SVIL: variants seen among roughly 807,000 people sequenced by gnomAD.
SVIL encodes the protein supervillin, also known as archvillin.
In SVIL, 101 loss-of-function variants were observed where a neutral mutation model predicts 240.4. The observed-to-expected ratio is 0.42, with a 90% CI of 0.36 to 0.50. The LOEUF is 0.50. SVIL is among the 20% of genes least tolerant of loss of function. SVIL has a pLI of 0.01. For missense variants in SVIL, 2,512 were observed against 2,818.7 expected, an observed-to-expected ratio of 0.89 and a Z score of 2.46; for synonymous variants, 999 against 1,100.0, an observed-to-expected ratio of 0.91 and a Z score of 1.82.
chr10:29,567,234 A>C (rs1388421152), intron 2 of SVIL, among the ~76,000 whole-genome samples: 1 of 151,892 alleles, frequency 6.6e-6, no homozygotes, highest in Non-Finnish European at 1.5e-5. Context: ...AGCACGGGGG[A>C]ATTTTATTAA....
At chr10:29,693,836 T>A (rs910648032) in intron 1 of SVIL, among the ~76,000 whole-genome samples, 2 of 152,212 alleles carry the variant, frequency 1.3e-5, no homozygotes, top group African/African-American at 4.8e-5. Context: ...ATTAATCAAA[T>A]CTTCTTTCTT....
chr10:29,678,832 G>A (rs190978033), intron 2 of SVIL, among the ~76,000 whole-genome samples: 1 of 152,318 alleles, frequency 6.6e-6, no homozygotes, highest in East Asian at 1.9e-4. Flanking sequence ...ATTTTAGGTT[G>A]AGGGTACCCT....
chr10:29,509,210 A>G (rs1482498543), intron 17 of SVIL, among the ~76,000 whole-genome samples: 3 of 151,962 alleles, frequency 2.0e-5, no homozygotes, highest in East Asian at 1.9e-4. Flanking sequence ...AGACTCACAC[A>G]TGTTTAAGTC....
chr10:29,550,563 C>A, intron 6 of SVIL, 34 bp downstream of exon 6: 3 of 1,545,320 alleles, frequency 1.9e-6, no homozygotes, highest in Non-Finnish European at 2.6e-6. Context: ...TATTGTCCTG[C>A]GTTCAGGGTG....
At chr10:29,491,252 C>G (rs981442256) in intron 21 of SVIL, among the ~76,000 whole-genome samples, 8 of 152,270 alleles carry the variant, frequency 5.3e-5, no homozygotes, top group Non-Finnish European at 7.4e-5. Context: ...ACTCATGCCC[C>G]TTGGTCTCCT....
At chr10:29,569,044 A>G (rs1029372321) in intron 2 of SVIL, among the ~76,000 whole-genome samples, 1 of 152,258 alleles carries the variant, frequency 6.6e-6, no homozygotes, top group East Asian at 1.9e-4. Flanking sequence ...TGCAATGACA[A>G]GAGACAGCAA....
chr10:29,507,486 C>T (rs369357900), intron 17 of SVIL, among the ~76,000 whole-genome samples: 13 of 151,986 alleles, frequency 8.6e-5, no homozygotes, highest in East Asian at 7.7e-4. Context: ...CACACACATA[C>T]GTACACACTT....
At chr10:29,645,660 A>T (rs990231757) in intron 3 of SVIL, among the ~76,000 whole-genome samples, 6 of 152,242 alleles carry the variant, frequency 3.9e-5, no homozygotes, top group Non-Finnish European at 7.3e-5. Flanking sequence ...ATTATTAGAC[A>T]GTAGGAGAGC....
intron 3 of SVIL, among the ~76,000 whole-genome samples, chr10:29,643,813 T>C (rs935716877): frequency 1.3e-5 from 2 of 152,066 alleles, no homozygotes; most frequent in Admixed American, 6.6e-5. Context: ...CCAGCCAACT[T>C]TTCTCTCCCG....
intron 1 of SVIL, among the ~76,000 whole-genome samples, chr10:29,719,818 G>T (rs1963866292): frequency 6.6e-6 from 1 of 152,202 alleles, no homozygotes; most frequent in Non-Finnish European, 1.5e-5. Context: ...GCATGAGTGA[G>T]CTGTGGAGAC....
intron 3 of SVIL, among the ~76,000 whole-genome samples, chr10:29,644,755 T>G (rs1014314339): frequency 6.6e-6 from 1 of 152,190 alleles, no homozygotes; most frequent in African/African-American, 2.4e-5. Context: ...GCTCCAACTG[T>G]GGATCCTGGG....
In SVIL at chr10:29,488,652, A is replaced by T. The variant is rs201161635; in HGVS notation, c.4297T>A (p.Ser1433Thr). Residue 1433 changes from serine (S) to threonine (T), a missense_variant, in exon 23 of 38, where the codon TCT becomes ACT. Around this residue, in one of 3 missense-constraint regions of SVIL, gnomAD observed 272 missense variants for 406.8 expected, o/e 0.67. Coordinates refer to ENST00000355867, the MANE Select transcript of SVIL (RefSeq NM_021738.3). ...TTGTAGGGCACGGCGCTGTTGTTAG[A>T]GTTCTGTTCCGTCAGGTTGACGCTC... ...LRSVNLTEQN[S>T]NNSAVPYKRL... 153 of 1,612,638 alleles carry T rather than the reference A, an allele frequency of 9.5e-5. No individual in the cohort carries two copies. Among genetic ancestry groups the T allele is most frequent in the Middle Eastern group, 3.3e-4 (2 of 6,072 alleles).
intron 28 of SVIL, among the ~76,000 whole-genome samples, chr10:29,481,091 C>G (rs1946779001): frequency 6.7e-6 from 1 of 150,000 alleles, no homozygotes; most frequent in East Asian, 1.9e-4. Flanking sequence ...GGCCTGTCTG[C>G]TGTTCTACTA....
Position 29,499,097 on chromosome 10 carries a change from T to C in SVIL, c.3664+19A>G. 8.1e-6 allele frequency: 13 copies of C among 1,611,880 alleles called. No homozygotes were observed. Among genetic ancestry groups the C allele is most frequent in the Non-Finnish European group, 1.1e-5 (13 of 1,179,210 alleles). ...GTGCATTGTGCACACACCACACACATGGACACACACACACTGACCTTTCTT... is the reference window on the plus strand; with the variant it reads ...GTGCATTGTGCACACACCACACACACGGACACACACACACTGACCTTTCTT... On this transcript the variant is annotated intron_variant, in intron 18 of 37. Coordinates refer to ENST00000355867, the MANE Select transcript of SVIL (RefSeq NM_021738.3).
chr10:29,530,541 C>T, intron 11 of SVIL, 66 bp downstream of exon 11: 1 of 1,581,426 alleles, frequency 6.3e-7, no homozygotes, highest in Non-Finnish European at 8.7e-7. Flanking sequence ...CTGCCTTGGC[C>T]TCTCAAATAG....
intron 21 of SVIL, among the ~76,000 whole-genome samples, chr10:29,492,110 G>T (rs1008133406): frequency 5.9e-5 from 9 of 152,170 alleles, no homozygotes; most frequent in Admixed American, 2.6e-4. Flanking sequence ...TCTGGTAATA[G>T]CATCTGGATT....
At chr10:29,470,695 C>A (rs960738870) in intron 31 of SVIL, among the ~76,000 whole-genome samples, 1 of 152,114 alleles carries the variant, frequency 6.6e-6, no homozygotes, top group Non-Finnish European at 1.5e-5. Flanking sequence ...TGGGTTCTTA[C>A]ATAGTTAGAA....
At chr10:29,513,912 T>C (rs551442454) in intron 16 of SVIL, among the ~76,000 whole-genome samples, 155 of 151,702 alleles carry the variant, frequency 1.0e-3, no homozygotes, top group Middle Eastern at 6.8e-3. Context: ...CTATTTCAGC[T>C]AACTGTATTG....
rs778729599 is a variant in SVIL at position 29,494,910 on chromosome 10, G to C, written c.3841+4C>G. On this transcript the variant is annotated splice_donor_region_variant and intron_variant, in intron 20 of 37. Coordinates refer to ENST00000355867, the MANE Select transcript of SVIL (RefSeq NM_021738.3). ...AGCAAAGCCTTCTGGCTTCCAGTAG[G>C]TACCTTTGTTATTCAGCCTTCTTAG... is the stretch of plus-strand genomic sequence containing the variant. The C allele has an allele frequency of 7.5e-6, 12 of 1,605,100 alleles. No homozygotes were observed. The African/African-American group carries it at 9.4e-5, about 13-fold the overall frequency.
Sources: gnomAD v4.1 joint callset for allele counts (sites outside exome capture counted in the v4.1 genomes callset) on GRCh38, gnomAD v4.1.1 for gene constraint, gnomAD v4.1.1 regional missense constraint, MANE v1.5 for transcripts, NCBI Gene and HGNC (gene_info 2026-07-23, HGNC 2026-07-21) for gene names.